The following STAB2 variants were observed in gnomAD, a reference collection of about 807,000 sequenced individuals.
STAB2 encodes the protein stabilin-2.
In STAB2, 288 loss-of-function variants were observed where a neutral mutation model predicts 338.1. The observed-to-expected ratio is 0.85, with a 90% CI of 0.77 to 0.94. The LOEUF is 0.94. Among genes scored for constraint, STAB2 ranks in the 40% least tolerant of loss-of-function variants. The pLI, the probability that STAB2 is intolerant of heterozygous loss-of-function variation, is 0.00. For missense variants in STAB2, 3,141 were observed against 3,210.1 expected (o/e 0.98, Z 0.52); for synonymous variants, 1,202 against 1,193.3 (o/e 1.01, Z -0.15).
intron 11 of STAB2, 65 bp downstream of exon 11, chr12:103,650,643 C>T (rs1227310478): frequency 7.5e-7 from 1 of 1,328,536 alleles, no homozygotes; most frequent in African/African-American, 1.5e-5. Context: ...GGAGTACCTT[C>T]TTTTATTTAA....
Position 103,745,286 on chromosome 12 carries a change from T to G in STAB2, c.6136+9T>G. 6.2e-7 allele frequency: 1 copy of G among 1,611,820 alleles called. No homozygotes were observed. Among genetic ancestry groups the G allele is most frequent in the South Asian group, 1.1e-5 (1 of 90,722 alleles). ...GTGTGACACTCAGGCAGGTCAGTCA[T>G]GGGAGTGGTCAGCTGCTGGCAGCCC... is the stretch of plus-strand genomic sequence containing the variant. On this transcript the variant is annotated intron_variant, in intron 57 of 68. Transcript: ENST00000388887.
intron 27 of STAB2, among the ~76,000 whole-genome samples, 157 bp from the exon 28 acceptor site, chr12:103,688,011 T>C (rs1481943943): frequency 6.6e-6 from 1 of 152,232 alleles, no homozygotes; most frequent in East Asian, 1.9e-4. Context: ...GAGCACGCAT[T>C]CACATCAGCA....
At chr12:103,673,085 T>C (rs868672429) in intron 22 of STAB2, among the ~76,000 whole-genome samples, 7 of 152,198 alleles carry the variant, frequency 4.6e-5, no homozygotes, top group South Asian at 4.1e-4. Context: ...AGTGCCCAAA[T>C]ATCGCCTATT....
intron 57 of STAB2, 44 bp from the exon 58 acceptor site, chr12:103,746,553 T>G: frequency 6.3e-7 from 1 of 1,597,016 alleles, no homozygotes; most frequent in Non-Finnish European, 8.6e-7. Flanking sequence ...GTTTTAACTC[T>G]TCACACCATG....
intron 3 of STAB2, among the ~76,000 whole-genome samples, chr12:103,615,908 G>A (rs115041481): frequency 0.036 from 5,499 of 152,196 alleles, 327 homozygotes; most frequent in African/African-American, 0.12. Flanking sequence ...ACCTCCACAG[G>A]GTCTAGCCCT....
At chr12:103,681,951 T>C (rs1876949148) in intron 25 of STAB2, among the ~76,000 whole-genome samples, 1 of 152,132 alleles carries the variant, frequency 6.6e-6, no homozygotes, top group Admixed American at 6.5e-5. Context: ...CAGTATGACC[T>C]CATCTTAACT....
At chr12:103,610,919 T>C (rs1281579062) in intron 3 of STAB2, among the ~76,000 whole-genome samples, 1 of 152,218 alleles carries the variant, frequency 6.6e-6, no homozygotes, top group East Asian at 1.9e-4. Flanking sequence ...AAGAACATCT[T>C]TATTTCTGCC....
intron 37 of STAB2, among the ~76,000 whole-genome samples, chr12:103,706,320 C>T (rs536214609): frequency 2.0e-5 from 3 of 152,104 alleles, no homozygotes; most frequent in Admixed American, 6.5e-5. Flanking sequence ...AGACACCCTA[C>T]GGGGCTTCCC....
intron 5 of STAB2, among the ~76,000 whole-genome samples, chr12:103,628,258 A>G (rs76072816): frequency 0.012 from 1,891 of 152,352 alleles, 39 homozygotes; most frequent in African/African-American, 0.043. Flanking sequence ...TGTGTGATAC[A>G]CTGGTAGTAA....
Position 103,730,261 on chromosome 12 carries a change from G to A in STAB2, c.5223+5G>A, listed in dbSNP as rs762123373. On this transcript the variant is annotated splice_donor_5th_base_variant and intron_variant, in intron 49 of 68. Transcript: ENST00000388887. Reference sequence around the variant, plus strand: ...GACAACTCTGGAAGAATTCTGGTAGGTAAACTCTCTGTTATGTTTTCAGCC... The same window carrying A: ...GACAACTCTGGAAGAATTCTGGTAGATAAACTCTCTGTTATGTTTTCAGCC... 1 of 1,613,360 alleles carries A rather than the reference G, an allele frequency of 6.2e-7. No individual in the cohort carries two copies. The highest frequency in any genetic ancestry group is 8.5e-7 in the Non-Finnish European group (1 of 1,179,670).
chr12:103,753,380 G>T (rs368414924), intron 61 of STAB2, 27 bp downstream of exon 61: 5 of 1,613,922 alleles, frequency 3.1e-6, no homozygotes, highest in Non-Finnish European at 4.2e-6. Flanking sequence ...CAGATTCTGT[G>T]CAGACAGAGT....
At chr12:103,621,133 A>G (rs186124870) in intron 4 of STAB2, among the ~76,000 whole-genome samples, 4 of 152,270 alleles carry the variant, frequency 2.6e-5, no homozygotes, top group African/African-American at 9.6e-5. Context: ...AACAGTATCT[A>G]TGTAATAACA....
intron 67 of STAB2, 56 bp downstream of exon 67, chr12:103,762,458 T>C: frequency 6.2e-7 from 1 of 1,612,542 alleles, no homozygotes. Flanking sequence ...ACCCAGTCCC[T>C]GGACCTGGGC....
chr12:103,752,873 A>C (rs1247745900), intron 60 of STAB2, among the ~76,000 whole-genome samples: 1 of 152,242 alleles, frequency 6.6e-6, no homozygotes. Context: ...AAATTATATC[A>C]AATTAAAAAT....
chr12:103,599,935 T>C (rs574160866), intron 3 of STAB2, among the ~76,000 whole-genome samples: 133 of 152,356 alleles, frequency 8.7e-4, no homozygotes, highest in African/African-American at 3.1e-3. Context: ...TGTTATACTC[T>C]GCCTTCAGGC....
rs561889956 is a variant in STAB2 at position 103,623,857 on chromosome 12, G to C, written c.487+1746G>C. Reference sequence around the variant, plus strand: ...CACCCAGGCCAAGCGCTCGTCCTAAGGTTCACACAAAACCCTCAGGCTAAG... The same window carrying C: ...CACCCAGGCCAAGCGCTCGTCCTAACGTTCACACAAAACCCTCAGGCTAAG... On this transcript the variant is annotated intron_variant, in intron 5 of 68. Coordinates refer to ENST00000388887, the MANE Select transcript of STAB2 (RefSeq NM_017564.10). Among the ~76,000 whole-genome samples the C allele has an allele frequency of 4.6e-5, 7 of 152,256 alleles. No individual in the cohort carries two copies. The East Asian group carries it at 9.6e-4, about 21-fold the overall frequency.
intron 33 of STAB2, among the ~76,000 whole-genome samples, chr12:103,698,289 T>C (rs1878572295): frequency 6.6e-6 from 1 of 152,074 alleles, no homozygotes; most frequent in Non-Finnish European, 1.5e-5. Flanking sequence ...AGGAACCTTC[T>C]CCTCTCCTTC....
intron 63 of STAB2, among the ~76,000 whole-genome samples, 193 bp downstream of exon 63, chr12:103,755,911 G>A (rs77265338): frequency 0.088 from 13,448 of 152,078 alleles, 892 homozygotes; most frequent in East Asian, 0.26. Context: ...TTCCTCTCTG[G>A]GACTCAATTT....
At position 103,677,612 on chromosome 12, in the gene STAB2, G is replaced by C; in HGVS notation, c.2805+1G>C. The C allele has an allele frequency of 6.2e-7, 1 of 1,609,714 alleles. No individual in the cohort carries two copies. On this transcript the variant is annotated splice_donor_variant, in intron 25 of 68. Transcript: ENST00000388887. LOFTEE classifies it high-confidence loss of function. ...CTGTTTGTATGTGGGTCCCGGGCAGGTAGGTTGGATGTCATGAGAGCAAAG... is the reference window on the plus strand; with the variant it reads ...CTGTTTGTATGTGGGTCCCGGGCAGCTAGGTTGGATGTCATGAGAGCAAAG...
Sources: gnomAD v4.1 joint callset for allele counts (sites outside exome capture counted in the v4.1 genomes callset) on GRCh38, gnomAD v4.1.1 for gene constraint, MANE v1.5 for transcripts, NCBI Gene and HGNC (gene_info 2026-07-23, HGNC 2026-07-21) for gene names.